ADGRL2: variants seen among roughly 807,000 people sequenced by gnomAD.
ADGRL2 encodes calcium-independent alpha-latrotoxin receptor 2.
ADGRL2 carries 44 observed loss-of-function variants against 157.4 expected under a neutral mutation model. That is an observed-to-expected ratio of 0.28 (90% CI 0.22 to 0.36). The LOEUF (loss-of-function observed/expected upper bound fraction) is 0.36. Ranked by LOEUF, ADGRL2 falls within the 10% of genes least tolerant of loss-of-function variation. The pLI, the probability that ADGRL2 is intolerant of heterozygous loss-of-function variation, is 1.00. For synonymous variants in ADGRL2, 585 were observed against 624.7 expected, an observed-to-expected ratio of 0.94 and a Z score of 0.95; for missense variants, 1,510 against 1,768.9, an observed-to-expected ratio of 0.85 and a Z score of 2.63.
intron 1 of ADGRL2, among the ~76,000 whole-genome samples, chr1:81,359,609 ATTAAG>A (rs1275269479): frequency 6.6e-6 from 1 of 152,062 alleles, no homozygotes; most frequent in Non-Finnish European, 1.5e-5. Context: ...TTACAATATG[ATTAAG>A]TTTTTATTTT....
intron 1 of ADGRL2, among the ~76,000 whole-genome samples, chr1:81,830,561 G>A (rs1367183719): frequency 6.6e-6 from 1 of 152,114 alleles, no homozygotes; most frequent in Admixed American, 6.5e-5. Flanking sequence ...GGGCTGGAGT[G>A]CAGTGGCCTC....
intron 2 of ADGRL2, among the ~76,000 whole-genome samples, chr1:81,838,191 T>A (rs1169114841): frequency 6.6e-6 from 1 of 152,012 alleles, no homozygotes; most frequent in Non-Finnish European, 1.5e-5. Flanking sequence ...GAATTTTACT[T>A]GAATTGCTTG....
chr1:81,452,232 C>T (rs2101745359), intron 2 of ADGRL2, among the ~76,000 whole-genome samples: 1 of 152,258 alleles, frequency 6.6e-6, no homozygotes, highest in African/African-American at 2.4e-5. Context: ...TAAATAATTA[C>T]TATGCATCTC....
chr1:81,617,571 A>G (rs1055079018), intron 3 of ADGRL2, among the ~76,000 whole-genome samples: 2 of 152,194 alleles, frequency 1.3e-5, no homozygotes, highest in African/African-American at 4.8e-5. Flanking sequence ...TTTGCTTTTG[A>G]GTACTTGCTT....
intron 2 of ADGRL2, among the ~76,000 whole-genome samples, chr1:81,881,456 G>A (rs1227167961): frequency 3.3e-5 from 5 of 152,190 alleles, no homozygotes; most frequent in African/African-American, 9.7e-5. Flanking sequence ...GATTACAGGC[G>A]TGAGCCACCA....
At chr1:81,552,243 A>G (rs1219278066) in intron 2 of ADGRL2, among the ~76,000 whole-genome samples, 1 of 152,030 alleles carries the variant, frequency 6.6e-6, no homozygotes, top group African/African-American at 2.4e-5. Flanking sequence ...TTACTTTTTT[A>G]TTAGGTAGAT....
At chr1:81,373,223 G>T (rs2076190786) in intron 1 of ADGRL2, among the ~76,000 whole-genome samples, 1 of 152,118 alleles carries the variant, frequency 6.6e-6, no homozygotes, top group Admixed American at 6.6e-5. Flanking sequence ...CTGAATCATT[G>T]TTCCTGCTTT....
Position 81,943,890 on chromosome 1 carries a change from A to T in ADGRL2, c.1210+121A>T, listed in dbSNP as rs1179270788. The T allele has an allele frequency of 2.8e-6, 2 of 719,758 alleles. No individual in the cohort carries two copies. The highest frequency in any genetic ancestry group is 5.6e-5 in the Admixed American group (2 of 35,926). 44.6% of individuals were successfully genotyped at this position (719,758 alleles called of 1,614,324 possible). A position where few individuals can be genotyped will look rare whatever the true frequency, so the allele number is the denominator to read the frequency against. On this transcript the variant is annotated intron_variant, in intron 6 of 23. Transcript: ENST00000686636. The surrounding 1 kb of genome is among the most constrained non-coding windows in gnomAD (Gnocchi z 5.6). ...TTTCATAGTTAAAGGACAAAGGACA[A>T]TGTTGTGGTACATTTTAGCCTTATT...
chr1:81,406,038 G>A (rs187276217), intron 1 of ADGRL2, among the ~76,000 whole-genome samples: 2 of 152,200 alleles, frequency 1.3e-5, no homozygotes, highest in African/African-American at 4.8e-5. Context: ...AGTTTGAGAA[G>A]AGACTTTGAA....
chr1:81,791,010 T>C (rs974191198), intron 2 of ADGRL2, among the ~76,000 whole-genome samples: 3 of 129,558 alleles, frequency 2.3e-5, no homozygotes, highest in African/African-American at 9.1e-5. Flanking sequence ...GAGGTTATGG[T>C]GAGCTGAGAT....
chr1:81,684,555 C>T (rs1390993328), intron 3 of ADGRL2, among the ~76,000 whole-genome samples: 1 of 152,086 alleles, frequency 6.6e-6, no homozygotes. Flanking sequence ...ACATATAGAT[C>T]GTGAAGATTT....
At chr1:81,715,622 T>C (rs2084089985) in intron 1 of ADGRL2, among the ~76,000 whole-genome samples, 1 of 152,120 alleles carries the variant, frequency 6.6e-6, no homozygotes, top group Non-Finnish European at 1.5e-5. Flanking sequence ...GAGCACTTAA[T>C]GCGACATGAC....
At chr1:81,644,929 A>T (rs2082284697) in intron 3 of ADGRL2, among the ~76,000 whole-genome samples, 1 of 152,330 alleles carries the variant, frequency 6.6e-6, no homozygotes, top group African/African-American at 2.4e-5. Context: ...TCTCACATTC[A>T]TATATTGTTG....
chr1:81,827,535 T>G (rs145759351), intron 1 of ADGRL2, among the ~76,000 whole-genome samples: 1 of 152,360 alleles, frequency 6.6e-6, no homozygotes, highest in African/African-American at 2.4e-5. Flanking sequence ...CTCTAAGGTA[T>G]ACATATGGCT....
At chr1:81,972,195 G>A (rs558488478) in intron 17 of ADGRL2, among the ~76,000 whole-genome samples, 1 of 152,106 alleles carries the variant, frequency 6.6e-6, no homozygotes, top group South Asian at 2.1e-4. Context: ...TATAGGCCAT[G>A]TTATAAATTA....
At chr1:81,831,377 C>T (rs1291365029) in intron 1 of ADGRL2, among the ~76,000 whole-genome samples, 1 of 152,202 alleles carries the variant, frequency 6.6e-6, no homozygotes, top group East Asian at 1.9e-4. Context: ...GGATGTTTAG[C>T]TCATGTAAAC....
chr1:81,399,487 CT>C (rs147586058), intron 1 of ADGRL2, among the ~76,000 whole-genome samples: 11 of 151,184 alleles, frequency 7.3e-5, no homozygotes, highest in African/African-American at 2.2e-4. Flanking sequence ...TTCTTATTTC[CT>C]TTTTTTTTCT....
At chr1:81,626,523 C>T (rs150900245) in intron 3 of ADGRL2, among the ~76,000 whole-genome samples, 446 of 152,314 alleles carry the variant, frequency 2.9e-3, no homozygotes, top group African/African-American at 0.01. Flanking sequence ...ATCTGCCCCC[C>T]TCGGCTTCCC....
intron 3 of ADGRL2, among the ~76,000 whole-genome samples, chr1:81,660,675 T>C (rs564286415): frequency 4.3e-4 from 65 of 152,252 alleles, no homozygotes; most frequent in Middle Eastern, 3.4e-3. Context: ...TTGAAAAAGA[T>C]CAAACAAAAA....
Sources: allele counts gnomAD v4.1 joint callset (sites outside exome capture counted in the v4.1 genomes callset), GRCh38; gene constraint gnomAD v4.1.1; non-coding constraint Gnocchi (gnomAD v3.1); transcripts MANE v1.5; gene names NCBI Gene and HGNC (gene_info 2026-07-23, HGNC 2026-07-21).